Variants in ELOVL7 observed in about 807,000 individuals in gnomAD.
ELOVL7 encodes the protein ELOVL fatty acid elongase 7.
Under a neutral mutation model 35.7 loss-of-function variants are expected in ELOVL7, and 27 were observed. The observed-to-expected ratio is 0.76, with a 90% CI of 0.56 to 1.04. ELOVL7 has a LOEUF of 1.04. Ranked by LOEUF, ELOVL7 falls within the 50% of genes least tolerant of loss-of-function variation. ELOVL7 has a pLI of 0.00. For missense variants in ELOVL7, 327 were observed against 340.8 expected, an observed-to-expected ratio of 0.96 and a Z score of 0.32; for synonymous variants, 113 against 114.6, an observed-to-expected ratio of 0.99 and a Z score of 0.09.
intron 1 of ELOVL7, among the ~76,000 whole-genome samples, chr5:60,829,014 A>G (rs1218136810): frequency 2.6e-5 from 4 of 152,304 alleles, no homozygotes; most frequent in African/African-American, 9.6e-5. Context: ...TTTACAGATG[A>G]AATAAGATTA....
chr5:60,777,360 CCTA>C (rs1459730306), intron 3 of ELOVL7, among the ~76,000 whole-genome samples: 1 of 151,618 alleles, frequency 6.6e-6, no homozygotes, highest in Non-Finnish European at 1.5e-5. Flanking sequence ...AATATATACA[CCTA>C]CTATTTACCC....
intron 1 of ELOVL7, among the ~76,000 whole-genome samples, chr5:60,842,343 TG>T (rs1747221743): frequency 1.3e-5 from 2 of 152,034 alleles, no homozygotes; most frequent in South Asian, 4.2e-4. Context: ...GGAGCTGTTT[TG>T]GGGAAAAGCC....
At chr5:60,830,551 C>A (rs1264079986) in intron 1 of ELOVL7, among the ~76,000 whole-genome samples, 1 of 151,450 alleles carries the variant, frequency 6.6e-6, no homozygotes, top group Admixed American at 6.6e-5. Context: ...AGGTAAGGTA[C>A]CTGGGTTTTA....
chr5:60,822,740 A>G (rs1561468286), intron 1 of ELOVL7, among the ~76,000 whole-genome samples: 1 of 152,254 alleles, frequency 6.6e-6, no homozygotes, highest in Admixed American at 6.5e-5. Flanking sequence ...AGGCCAAAAG[A>G]TGGAATCTCA....
chr5:60,786,513 T>C (rs562507539), intron 3 of ELOVL7, among the ~76,000 whole-genome samples: 2 of 152,274 alleles, frequency 1.3e-5, no homozygotes, highest in South Asian at 4.1e-4. Flanking sequence ...TCTGAAACAT[T>C]GACTTTTAAA....
intron 4 of ELOVL7, among the ~76,000 whole-genome samples, chr5:60,769,381 T>C (rs775362023): frequency 2.6e-5 from 4 of 152,350 alleles, no homozygotes; most frequent in Non-Finnish European, 5.9e-5. Context: ...AAACAAGCAC[T>C]GTGTCGAATG....
At chr5:60,780,151 T>C (rs542726165) in intron 3 of ELOVL7, among the ~76,000 whole-genome samples, 2 of 150,272 alleles carry the variant, frequency 1.3e-5, no homozygotes, top group Non-Finnish European at 3.0e-5. Context: ...TGTAGTTTCG[T>C]TCTTGTTGCC....
intron 7 of ELOVL7, among the ~76,000 whole-genome samples, chr5:60,762,245 G>A: frequency 7.0e-6 from 1 of 141,964 alleles, no homozygotes; most frequent in African/African-American, 2.6e-5. Flanking sequence ...GTTGCAGTGA[G>A]CCGAGATCAC....
chr5:60,832,793 A>G (rs1746559362), intron 1 of ELOVL7, among the ~76,000 whole-genome samples: 1 of 152,242 alleles, frequency 6.6e-6, no homozygotes, highest in Admixed American at 6.5e-5. Context: ...TAATGGGGAT[A>G]AACTCAAGTG....
chr5:60,757,183 G>A (rs567974928), intron 8 of ELOVL7, among the ~76,000 whole-genome samples: 1 of 152,094 alleles, frequency 6.6e-6, no homozygotes, highest in Admixed American at 6.5e-5. Flanking sequence ...TAGATCTAAC[G>A]GAATTTCTAA....
chr5:60,771,878 C>T lies in ELOVL7; in HGVS notation c.255+25G>A, dbSNP rs187511583. The T allele has an allele frequency of 2.6e-3, 3,894 of 1,503,712 alleles. 5 individuals are homozygous for T. Among genetic ancestry groups the T allele is most frequent in the Non-Finnish European group, 3.0e-3 (3,366 of 1,107,168 alleles). The allele number at this position is 1,503,712 out of a possible 1,614,324, so 93.1% of individuals were successfully genotyped here. The stretch of plus-strand genomic sequence containing the variant: ...CAGAAAAACTCAGGCAAAATTCTCC[C>T]ATTAGGAATACTGAAGACACTTGCC... On this transcript the variant is annotated intron_variant, in intron 4 of 8. Transcript: ENST00000508821.
intron 3 of ELOVL7, among the ~76,000 whole-genome samples, chr5:60,777,183 C>T (rs564551826): frequency 2.7e-4 from 41 of 151,832 alleles, no homozygotes; most frequent in African/African-American, 9.7e-4. Flanking sequence ...TTTGGTGGCA[C>T]GACAGGCTGA....
rs144954272 is a variant in ELOVL7, at chr5:60,787,339, T to C, written c.59A>G (p.Asp20Gly). The change falls in exon 3 of 9, where the codon GAT (aspartate) becomes GGT (glycine). Residue 20 changes from aspartate (D) to glycine (G), a missense_variant. Asp to Gly is a moderately conservative substitution (Grantham distance 94). Transcript: ENST00000508821. Reference protein sequence around the residue: ...TVHLYDNWIKDADPRVEDWLL... With the variant: ...TVHLYDNWIKGADPRVEDWLL... ...TAGGAAATGTGGTTACTCACCAGCATCTTTGATCCAATTATCATAAAGATG... is the reference window on the plus strand; with the variant it reads ...TAGGAAATGTGGTTACTCACCAGCACCTTTGATCCAATTATCATAAAGATG... 1,365 of 1,599,080 alleles carry C rather than the reference T, an allele frequency of 8.5e-4. 1 individual carries two copies. The highest frequency in any genetic ancestry group is 1.0e-3 in the Non-Finnish European group (1,196 of 1,175,060).
At chr5:60,794,709 C>T (rs76457070) in intron 2 of ELOVL7, among the ~76,000 whole-genome samples, 1 of 152,336 alleles carries the variant, frequency 6.6e-6, no homozygotes, top group East Asian at 1.9e-4. Flanking sequence ...TTTTCTCTTT[C>T]TCTTTTGATG....
chr5:60,839,393 T>C (rs1579953489), intron 1 of ELOVL7, among the ~76,000 whole-genome samples: 1 of 152,314 alleles, frequency 6.6e-6, no homozygotes, highest in East Asian at 1.9e-4. Flanking sequence ...TTCTATCATT[T>C]ACAAAAAGAG....
intron 1 of ELOVL7, among the ~76,000 whole-genome samples, chr5:60,818,316 T>A (rs1484317287): frequency 2.7e-5 from 2 of 74,878 alleles, no homozygotes; most frequent in African/African-American, 1.4e-4. Context: ...AGGTTCCATC[T>A]CAGAAAAAAA....
At chr5:60,823,561 C>A (rs1746006810) in intron 1 of ELOVL7, among the ~76,000 whole-genome samples, 2 of 152,130 alleles carry the variant, frequency 1.3e-5, no homozygotes, top group Non-Finnish European at 2.9e-5. Context: ...AGAGGATTCA[C>A]CAATAGATGC....
chr5:60,778,783 A>C (rs1743062817), intron 3 of ELOVL7, among the ~76,000 whole-genome samples: 1 of 152,202 alleles, frequency 6.6e-6, no homozygotes, highest in South Asian at 2.1e-4. Context: ...ACAATCCCCA[A>C]AAGTCTTAAT....
At chr5:60,784,034 A>G in intron 3 of ELOVL7, 2 of 788,696 alleles carry the variant, frequency 2.5e-6, no homozygotes, top group Non-Finnish European at 4.3e-6. Context: ...TACTAGCTTA[A>G]TAATTCGTTT....
Sources: gnomAD v4.1 joint callset for allele counts (sites outside exome capture counted in the v4.1 genomes callset) on GRCh38, gnomAD v4.1.1 for gene constraint, MANE v1.5 for transcripts, NCBI Gene and HGNC (gene_info 2026-07-23, HGNC 2026-07-21) for gene names.